KIF26B: variants seen among roughly 807,000 people sequenced by gnomAD.
The protein encoded by KIF26B is kinesin family member 26B, also known as kinesin-like protein KIF26B.
A neutral mutation model predicts 151.2 loss-of-function variants in KIF26B; 63 were observed. The ratio of observed to expected loss-of-function variants is 0.42; its 90% CI spans 0.34 to 0.51. KIF26B has a LOEUF of 0.51. Ranked by LOEUF, KIF26B falls within the 20% of genes least tolerant of loss-of-function variation. The pLI, the probability that KIF26B is intolerant of heterozygous loss-of-function variation, is 0.07. For missense variants in KIF26B, 2,813 were observed against 2,913.6 expected (o/e 0.97, Z 0.79); for synonymous variants, 1,357 against 1,262.1 (o/e 1.08, Z -1.59).
At chr1:245,339,634 A>T in intron 2 of KIF26B, among the ~76,000 whole-genome samples, 1 of 152,356 alleles carries the variant, frequency 6.6e-6, no homozygotes. Flanking sequence ...TATACCATAA[A>T]ATTGACGTTT....
intron 4 of KIF26B, among the ~76,000 whole-genome samples, chr1:245,497,100 C>T (rs1277030997): frequency 6.6e-6 from 1 of 150,970 alleles, no homozygotes; most frequent in East Asian, 1.9e-4. Context: ...TTGCTGAGAG[C>T]CGAGATTGCA....
chr1:245,333,902 G>T (rs140849749), intron 2 of KIF26B, among the ~76,000 whole-genome samples: 4,592 of 152,178 alleles, frequency 0.03, 179 homozygotes, highest in African/African-American at 0.084. Flanking sequence ...GGAGGCTGAG[G>T]CACGAGAATT....
At chr1:245,209,758 A>T (rs896598326) in intron 2 of KIF26B, among the ~76,000 whole-genome samples, 1 of 152,266 alleles carries the variant, frequency 6.6e-6, no homozygotes, top group African/African-American at 2.4e-5. Flanking sequence ...TGTGCAAGGA[A>T]GTGACTGGAG....
intron 2 of KIF26B, among the ~76,000 whole-genome samples, chr1:245,171,565 G>C (rs1668709709): frequency 6.6e-6 from 1 of 152,128 alleles, no homozygotes; most frequent in Non-Finnish European, 1.5e-5. Flanking sequence ...TCTTACATGG[G>C]ACAAAAATCA....
chr1:245,171,722 A>C (rs1174972078), intron 2 of KIF26B, among the ~76,000 whole-genome samples: 1 of 152,242 alleles, frequency 6.6e-6, no homozygotes, highest in African/African-American at 2.4e-5. Flanking sequence ...CAGGGTGTCC[A>C]GCATTGCATT....
intron 9 of KIF26B, among the ~76,000 whole-genome samples, chr1:245,622,332 TTAAG>T (rs1327284370): frequency 6.6e-6 from 1 of 152,186 alleles, no homozygotes; most frequent in African/African-American, 2.4e-5. Context: ...AATGCTTTCT[TTAAG>T]TATTTCTCAC....
intron 2 of KIF26B, among the ~76,000 whole-genome samples, chr1:245,252,092 G>A (rs540460823): frequency 2.9e-4 from 44 of 151,468 alleles, no homozygotes; most frequent in South Asian, 8.4e-4. Context: ...GTAAAAACCC[G>A]TCTCTGCTAA....
At chr1:245,265,588 T>C (rs1020527044) in intron 2 of KIF26B, among the ~76,000 whole-genome samples, 3 of 98,354 alleles carry the variant, frequency 3.1e-5, no homozygotes, top group East Asian at 5.7e-4. Flanking sequence ...AGAGAATGAC[T>C]TTTTTTTTTT....
At chr1:245,280,393 T>C (rs1671019482) in intron 2 of KIF26B, among the ~76,000 whole-genome samples, 1 of 146,144 alleles carries the variant, frequency 6.8e-6, no homozygotes, top group African/African-American at 2.5e-5. Flanking sequence ...TAGCAGGGCA[T>C]AGTGGCGGGC....
intron 4 of KIF26B, among the ~76,000 whole-genome samples, chr1:245,421,467 C>T (rs908402375): frequency 2.6e-5 from 4 of 152,100 alleles, no homozygotes; most frequent in African/African-American, 4.8e-5. Flanking sequence ...CTTGCAATTC[C>T]GATGGCTTCA....
chr1:245,374,122 T>C lies in KIF26B; in HGVS notation c.999+6755T>C, dbSNP rs1347707806. Among the ~76,000 whole-genome samples the C allele has an allele frequency of 5.6e-4, 45 of 81,020 alleles. 1 individual carries two copies. The highest frequency in any genetic ancestry group is 8.2e-4 in the Non-Finnish European group (36 of 43,858). 53.2% of individuals were successfully genotyped at this position (81,020 alleles called of 152,430 possible). A position where few individuals can be genotyped will look rare whatever the true frequency, so the allele number is the denominator to read the frequency against. ...ATATATATATATATATATATATATATATATATATATATATATGGGCACAAA... is the reference window on the plus strand; with the variant it reads ...ATATATATATATATATATATATATACATATATATATATATATGGGCACAAA... On this transcript the variant is annotated intron_variant, in intron 3 of 14. Coordinates refer to ENST00000407071, the MANE Select transcript of KIF26B (RefSeq NM_018012.4).
At chr1:245,609,632 T>C in intron 8 of KIF26B, 104 bp downstream of exon 8, 2 of 1,228,486 alleles carry the variant, frequency 1.6e-6, no homozygotes, top group Non-Finnish European at 2.2e-6. Context: ...ACTCAGAGGC[T>C]TACGGGTGTT....
chr1:245,242,240 C>A (rs764689321), intron 2 of KIF26B, among the ~76,000 whole-genome samples: 2 of 152,210 alleles, frequency 1.3e-5, no homozygotes, highest in South Asian at 2.1e-4. Context: ...CTTCCCCCCC[C>A]AAAATAGGGA....
chr1:245,468,568 TAAAGA>T (rs1240928819), intron 4 of KIF26B, among the ~76,000 whole-genome samples: 2 of 152,126 alleles, frequency 1.3e-5, no homozygotes, highest in Admixed American at 1.3e-4. Context: ...CTGAAGAGGT[TAAAGA>T]AAAGAACAGA....
intron 4 of KIF26B, among the ~76,000 whole-genome samples, chr1:245,522,437 A>G (rs978021707): frequency 6.6e-6 from 1 of 152,192 alleles, no homozygotes; most frequent in African/African-American, 2.4e-5. Flanking sequence ...TGAGGTTGAC[A>G]ATCAGTTGTC....
At chr1:245,528,052 C>A (rs192736597) in intron 4 of KIF26B, among the ~76,000 whole-genome samples, 4 of 152,084 alleles carry the variant, frequency 2.6e-5, no homozygotes, top group Admixed American at 2.6e-4. Flanking sequence ...CCGATAAGAA[C>A]GGATTGATGG....
rs535579267 is a variant in KIF26B, at chr1:245,196,339, A to T, written c.465+39656A>T. Among the ~76,000 whole-genome samples the T allele has an allele frequency of 2.6e-5, 4 of 152,176 alleles. No homozygotes were observed. The East Asian group carries it at 7.7e-4, about 29-fold the overall frequency. On this transcript the variant is annotated intron_variant, in intron 2 of 14. Transcript: ENST00000407071. ...CTAAGTCCATTTTCTTCCCATTCCTAATAGCTCTGAAAACAACCTTCCACT... is the reference window on the plus strand; with the variant it reads ...CTAAGTCCATTTTCTTCCCATTCCTTATAGCTCTGAAAACAACCTTCCACT...
chr1:245,264,702 G>A (rs1480493278), intron 2 of KIF26B, among the ~76,000 whole-genome samples: 1 of 151,734 alleles, frequency 6.6e-6, no homozygotes, highest in Non-Finnish European at 1.5e-5. Context: ...AGACCGTCCT[G>A]GCTAACAAGG....
rs1407818739 is a variant in KIF26B, at chr1:245,704,270, C to G, written c.*1664C>G. ...TCCAAGCTAGGCTGTCTTTATTAAC[C>G]AACAACTCAGCCCCAGCCACTCCCC... On this transcript the variant is annotated 3_prime_UTR_variant, in exon 15 of 15. Transcript: ENST00000407071. 6.6e-6 allele frequency: 1 copy of G among 152,248 alleles called. No individual in the cohort carries two copies. The highest frequency in any genetic ancestry group is 1.5e-5 in the Non-Finnish European group (1 of 68,086). 9.4% of individuals were successfully genotyped at this position (152,248 alleles called of 1,614,324 possible).
Sources: allele counts gnomAD v4.1 joint callset (sites outside exome capture counted in the v4.1 genomes callset), GRCh38; gene constraint gnomAD v4.1.1; transcripts MANE v1.5; gene names NCBI Gene and HGNC (gene_info 2026-07-23, HGNC 2026-07-21).